Variants in KIAA1328 observed in about 807,000 individuals in gnomAD.
The protein encoded by KIAA1328 is KIAA1328.
A neutral mutation model predicts 68.1 loss-of-function variants in KIAA1328; 52 were observed. That is an observed-to-expected ratio of 0.76 (90% CI 0.61 to 0.96). The LOEUF is 0.96. Among genes scored for constraint, KIAA1328 ranks in the 40% least tolerant of loss-of-function variants. The probability of loss-of-function intolerance (pLI) is 0.00; values close to 1 mark genes in which losing one functional copy is unlikely to be tolerated. For synonymous variants in KIAA1328, 232 were observed against 239.4 expected, an observed-to-expected ratio of 0.97 and a Z score of 0.28; for missense variants, 641 against 677.6, an observed-to-expected ratio of 0.95 and a Z score of 0.60.
At chr18:36,916,183 C>T (rs1192037494) in intron 5 of KIAA1328, among the ~76,000 whole-genome samples, 1 of 144,686 alleles carries the variant, frequency 6.9e-6, no homozygotes, top group Non-Finnish European at 1.5e-5. Context: ...TTTTATTTTG[C>T]TTTTCTCACA....
chr18:36,913,070 G>T (rs55703272), intron 5 of KIAA1328, among the ~76,000 whole-genome samples: 16,152 of 152,158 alleles, frequency 0.11, 1,083 homozygotes, highest in Non-Finnish European at 0.13. Flanking sequence ...ATGAAAGGTG[G>T]CACATGTTTG....
chr18:37,136,158 G>A (rs931916058), intron 7 of KIAA1328, among the ~76,000 whole-genome samples: 1 of 152,112 alleles, frequency 6.6e-6, no homozygotes, highest in African/African-American at 2.4e-5. Context: ...CACGTAGGCT[G>A]GTCCTTACCT....
At chr18:37,019,485 A>T (rs2054265768) in intron 6 of KIAA1328, among the ~76,000 whole-genome samples, 1 of 152,260 alleles carries the variant, frequency 6.6e-6, no homozygotes, top group African/African-American at 2.4e-5. Flanking sequence ...GATCTGGACC[A>T]GGCAGGTACA....
In KIAA1328 at chr18:37,037,351, G is replaced by C. The variant is rs941594125; in HGVS notation, c.577-29539G>C. On this transcript the variant is annotated intron_variant, in intron 6 of 9. Transcript: ENST00000280020. The stretch of plus-strand genomic sequence containing the variant: ...TAAGGCAAGTACCAGAGGCCATAAG[G>C]GTTCATTTAGTTACTGTAATTCACC... Among the ~76,000 whole-genome samples the C allele has an allele frequency of 9.9e-5, 15 of 152,052 alleles. No individual in the cohort carries two copies. The South Asian group carries it at 1.7e-3, about 17-fold the overall frequency.
chr18:36,876,434 T>C (rs891602999), intron 4 of KIAA1328, among the ~76,000 whole-genome samples: 1 of 152,196 alleles, frequency 6.6e-6, no homozygotes, highest in Non-Finnish European at 1.5e-5. Flanking sequence ...TTTATCCATT[T>C]CTTCTAGATT....
chr18:37,023,290 C>T (rs2054419589), intron 6 of KIAA1328, among the ~76,000 whole-genome samples: 1 of 152,166 alleles, frequency 6.6e-6, no homozygotes, highest in Non-Finnish European at 1.5e-5. Flanking sequence ...GCAGGACTCA[C>T]TACAGCCTTG....
At chr18:37,178,296 T>C (rs1170543485) in intron 9 of KIAA1328, among the ~76,000 whole-genome samples, 1 of 152,140 alleles carries the variant, frequency 6.6e-6, no homozygotes, top group East Asian at 1.9e-4. Flanking sequence ...ACAAGTGAGA[T>C]TGCTTGTTGG....
intron 4 of KIAA1328, among the ~76,000 whole-genome samples, chr18:36,851,065 T>C (rs562608092): frequency 4.6e-5 from 7 of 152,320 alleles, no homozygotes; most frequent in Admixed American, 1.3e-4. Context: ...TCAATTGATA[T>C]GGTCATGTTT....
chr18:37,010,817 G>A (rs1039832287), intron 6 of KIAA1328, among the ~76,000 whole-genome samples: 20 of 152,028 alleles, frequency 1.3e-4, no homozygotes, highest in African/African-American at 4.8e-4. Flanking sequence ...TGTGACTTAG[G>A]GAATTAAAGC....
At chr18:37,002,919 A>G (rs1228807678) in intron 6 of KIAA1328, among the ~76,000 whole-genome samples, 1 of 152,136 alleles carries the variant, frequency 6.6e-6, no homozygotes, top group Non-Finnish European at 1.5e-5. Context: ...GTGTCACATT[A>G]CCTGACTTTA....
At chr18:36,970,693 A>G (rs1355589878) in intron 6 of KIAA1328, among the ~76,000 whole-genome samples, 1 of 152,226 alleles carries the variant, frequency 6.6e-6, no homozygotes, top group Non-Finnish European at 1.5e-5. Context: ...GTGAACTCCC[A>G]TTCACAATTG....
At chr18:37,139,084 G>A (rs959143582) in intron 7 of KIAA1328, among the ~76,000 whole-genome samples, 2 of 150,638 alleles carry the variant, frequency 1.3e-5, no homozygotes, top group African/African-American at 2.4e-5. Context: ...AGCCTCCCTG[G>A]TAGCTGAAAA....
chr18:37,118,584 G>T (rs547213052), intron 7 of KIAA1328, among the ~76,000 whole-genome samples: 1 of 152,146 alleles, frequency 6.6e-6, no homozygotes, highest in Non-Finnish European at 1.5e-5. Context: ...CACCCTAGCA[G>T]TATAGTACCC....
chr18:37,079,369 T>C (rs1364382586), intron 7 of KIAA1328, among the ~76,000 whole-genome samples: 1 of 131,012 alleles, frequency 7.6e-6, no homozygotes, highest in African/African-American at 3.4e-5. Flanking sequence ...TTAGGAGATA[T>C]ACCTAATGCT....
chr18:36,881,399 CA>C lies in KIAA1328; in HGVS notation c.333-4157del, dbSNP rs1233304370. Among the ~76,000 whole-genome samples the C allele has an allele frequency of 2.6e-5, 4 of 151,998 alleles. No homozygotes were observed. The East Asian group carries it at 5.8e-4, about 22-fold the overall frequency. ...ATAGAAATTTATGCATTTCACTTTT[CA>C]TCTAAAAATTCTTATTTCACTTGGA... On this transcript the variant is annotated intron_variant, in intron 4 of 9. Coordinates refer to ENST00000280020, the MANE Select transcript of KIAA1328 (RefSeq NM_020776.3).
intron 4 of KIAA1328, among the ~76,000 whole-genome samples, chr18:36,868,991 C>T (rs2047851609): frequency 2.0e-5 from 3 of 149,188 alleles, no homozygotes; most frequent in African/African-American, 2.5e-5. Context: ...ACATTGATTG[C>T]GTACAATATG....
intron 4 of KIAA1328, among the ~76,000 whole-genome samples, chr18:36,846,189 T>C (rs190319723): frequency 2.6e-5 from 4 of 151,758 alleles, no homozygotes; most frequent in Admixed American, 2.6e-4. Flanking sequence ...GAGAACAGAA[T>C]CTCATATAAA....
At chr18:37,071,021 C>CAGATATTT (rs1007209428) in intron 7 of KIAA1328, among the ~76,000 whole-genome samples, 3 of 138,328 alleles carry the variant, frequency 2.2e-5, no homozygotes, top group African/African-American at 8.0e-5. Flanking sequence ...ATGTTATGTT[C>CAGATATTT]AGATATTTCC....
At chr18:36,891,123 T>C (rs1352730110) in intron 5 of KIAA1328, among the ~76,000 whole-genome samples, 2 of 152,108 alleles carry the variant, frequency 1.3e-5, no homozygotes, top group Non-Finnish European at 2.9e-5. Flanking sequence ...TTGTAATAAA[T>C]AGTATTGTGA....
Sources: gnomAD v4.1 joint callset for allele counts (sites outside exome capture counted in the v4.1 genomes callset) on GRCh38, gnomAD v4.1.1 for gene constraint, MANE v1.5 for transcripts, NCBI Gene and HGNC (gene_info 2026-07-23, HGNC 2026-07-21) for gene names.